Variants in PTP4A3 observed in about 807,000 individuals in gnomAD.
The protein encoded by PTP4A3 is protein tyrosine phosphatase type IVA 3.
In PTP4A3, 9 loss-of-function variants were observed where a neutral mutation model predicts 15.2. The observed-to-expected ratio is 0.59, with a 90% CI of 0.36 to 1.03. PTP4A3 has a LOEUF of 1.03. PTP4A3 is among the 50% of genes least tolerant of loss of function. The probability of loss-of-function intolerance (pLI) is 0.02; values close to 1 mark genes in which losing one functional copy is unlikely to be tolerated. For synonymous variants in PTP4A3, 95 were observed against 102.0 expected (o/e 0.93, Z 0.41); for missense variants, 234 against 252.1 (o/e 0.93, Z 0.49).
intron 1 of PTP4A3, among the ~76,000 whole-genome samples, chr8:141,403,035 C>T (rs1165912678): frequency 6.6e-6 from 1 of 152,160 alleles, no homozygotes; most frequent in Admixed American, 6.5e-5. Flanking sequence ...GTTCTTCCGT[C>T]CAGCCTCCCA....
chr8:141,427,877 C>A (rs1031425620), intron 5 of PTP4A3, 53 bp downstream of exon 5: 19 of 1,483,248 alleles, frequency 1.3e-5, no homozygotes, highest in Non-Finnish European at 1.7e-5. Context: ...AGGGGAGATC[C>A]GGCTGCCCAC....
At chr8:141,427,501 A>G (rs893032856) in intron 4 of PTP4A3, among the ~76,000 whole-genome samples, 1 of 152,170 alleles carries the variant, frequency 6.6e-6, no homozygotes, top group African/African-American at 2.4e-5. Flanking sequence ...TCCGGCTCTT[A>G]GCACTTCACC....
rs1356600034 is a variant in PTP4A3 at position 141,430,918 on chromosome 8, T to G, written c.405-9T>G. 1 of 1,612,576 alleles carries G rather than the reference T, an allele frequency of 6.2e-7. No homozygotes were observed. The highest frequency in any genetic ancestry group is 8.5e-7 in the Non-Finnish European group (1 of 1,179,628). The stretch of plus-strand genomic sequence containing the variant: ...TGGATGATCTCTGTTCCTGTTCCCC[T>G]CTTCCCAGGAAGCGCCGCGGAGCCA... On this transcript the variant is annotated splice_polypyrimidine_tract_variant and intron_variant, in intron 5 of 5. Coordinates refer to ENST00000521578, the MANE Select transcript of PTP4A3 (RefSeq NM_032611.3).
Position 141,408,830 on chromosome 8 carries a change from C to T in PTP4A3, c.-853-12558C>T, listed in dbSNP as rs570798138. Among the ~76,000 whole-genome samples the T allele has an allele frequency of 1.8e-4, 28 of 152,278 alleles. 1 individual carries two copies. The East Asian group carries it at 3.1e-3, about 17-fold the overall frequency. ...CTGGGGAACAGAGGGATGCTGGCACCCACCCAGGGCTCAGGGCAGGGCAGG... is the reference window on the plus strand; with the variant it reads ...CTGGGGAACAGAGGGATGCTGGCACTCACCCAGGGCTCAGGGCAGGGCAGG... On this transcript the variant is annotated intron_variant, in intron 1 of 5. Coordinates refer to ENST00000521578, the MANE Select transcript of PTP4A3 (RefSeq NM_032611.3).
Position 141,425,793 on chromosome 8 carries a change from T to A in PTP4A3, c.198+653T>A, listed in dbSNP as rs1833548382. Among the ~76,000 whole-genome samples, 1 of 152,190 alleles carries A rather than the reference T, an allele frequency of 6.6e-6. No individual in the cohort carries two copies. Among genetic ancestry groups the A allele is most frequent in the African/African-American group, 2.4e-5 (1 of 41,454 alleles). The stretch of plus-strand genomic sequence containing the variant: ...ACTGCTTTTCATCCCAGGACTCTGC[T>A]TTTGGCTGGGGTTGCAGTTTTGTGA... On this transcript the variant is annotated intron_variant, in intron 3 of 5. Transcript: ENST00000521578. The surrounding 1 kb of genome is among the most constrained non-coding windows in gnomAD (Gnocchi z 4.2).
intron 1 of PTP4A3, among the ~76,000 whole-genome samples, chr8:141,400,056 C>T (rs894224756): frequency 5.9e-5 from 9 of 152,226 alleles, no homozygotes; most frequent in African/African-American, 1.9e-4. Flanking sequence ...CACAGGCATG[C>T]GCCACTATGC....
At position 141,425,196 on chromosome 8, in the gene PTP4A3, C is replaced by CGGGGGGGGGGGGGG; in HGVS notation, c.198+62_198+63insGGGGGGGGGGGGGG. 1 of 361,484 alleles carries CGGGGGGGGGGGGGG rather than the reference C, an allele frequency of 2.8e-6. No individual in the cohort carries two copies. Among genetic ancestry groups the CGGGGGGGGGGGGGG allele is most frequent in the Non-Finnish European group, 5.4e-6 (1 of 185,988 alleles). The allele number at this position is 361,484 out of a possible 1,614,324, so 22.4% of individuals were successfully genotyped here. ...CTGCTGCCACCGGGGGAGGGTGGGG[C>CGGGGGGGGGGGGGG]GGGGGGCTCCGGGCCTGCGCAGAGG... On this transcript the variant is annotated intron_variant, in intron 3 of 5. Coordinates refer to ENST00000521578, the MANE Select transcript of PTP4A3 (RefSeq NM_032611.3). This position sits in a 1 kb window ranked among gnomAD's most constrained non-coding sequence, Gnocchi z 4.2.
rs1446679508 is a variant in PTP4A3, at chr8:141,426,947, G to GT, written c.210dup (p.Asp71Ter). 6.2e-7 allele frequency: 1 copy of GT among 1,611,048 alleles called. No homozygotes were observed. Among genetic ancestry groups the GT allele is most frequent in the Non-Finnish European group, 8.5e-7 (1 of 1,179,840 alleles). On this transcript the variant is annotated frameshift_variant, in exon 4 of 6. Coordinates refer to ENST00000521578, the MANE Select transcript of PTP4A3 (RefSeq NM_032611.3). LOFTEE classifies it high-confidence loss of function. ...TCTGCTTCCCTCCGTAGGACTGGCCGTTTGACGATGGGGCGCCCCCGCCCG... is the reference window on the plus strand; with the variant it reads ...TCTGCTTCCCTCCGTAGGACTGGCCGTTTTGACGATGGGGCGCCCCCGCCCG...
chr8:141,409,130 C>T (rs895324161), intron 1 of PTP4A3, among the ~76,000 whole-genome samples: 1 of 152,226 alleles, frequency 6.6e-6, no homozygotes, highest in African/African-American at 2.4e-5. Context: ...GAGGGCCTCT[C>T]AGTCCCCAAG....
intron 3 of PTP4A3, 74 bp from the exon 4 acceptor site, chr8:141,426,854 AGAGCTCCCTTT>A: frequency 6.6e-7 from 1 of 1,525,444 alleles, no homozygotes; most frequent in Non-Finnish European, 8.8e-7. Flanking sequence ...TCTGCCTCTC[AGAGCTCCCTTT>A]CCTCGCCTGA....
chr8:141,419,953 T>A (rs1359103918), intron 1 of PTP4A3, among the ~76,000 whole-genome samples: 2 of 152,152 alleles, frequency 1.3e-5, no homozygotes, highest in African/African-American at 4.8e-5. Flanking sequence ...TCTGAGCCCA[T>A]GAGCACTGGC....
intron 1 of PTP4A3, among the ~76,000 whole-genome samples, chr8:141,399,356 G>A (rs1413354487): frequency 6.6e-6 from 1 of 152,094 alleles, no homozygotes; most frequent in Non-Finnish European, 1.5e-5. Context: ...CCTTCCTCCC[G>A]GGCTTTGCTT....
At chr8:141,429,291 T>A (rs1833735802) in intron 5 of PTP4A3, among the ~76,000 whole-genome samples, 1 of 152,210 alleles carries the variant, frequency 6.6e-6, no homozygotes, top group Admixed American at 6.5e-5. Flanking sequence ...TGCTCCCACT[T>A]CCTTGGCCAG....
At chr8:141,395,201 CAGAG>C (rs929328929) in intron 1 of PTP4A3, among the ~76,000 whole-genome samples, 1 of 149,746 alleles carries the variant, frequency 6.7e-6, no homozygotes, top group Non-Finnish European at 1.5e-5. Context: ...GTTCACCTGG[CAGAG>C]AGTGTGCGCG....
rs886450727 is a variant in PTP4A3 at position 141,406,191 on chromosome 8, G to A, written c.-854+14107G>A. ...GTGACCCTCGGTAGCCCCTCTGGGC[G>A]GTGGCTTTAGGCATCTGGGCTCAGG... On this transcript the variant is annotated intron_variant, in intron 1 of 5. Transcript: ENST00000521578. The surrounding 1 kb of genome is among the most constrained non-coding windows in gnomAD (Gnocchi z 4.5). 2.6e-5 allele frequency among the ~76,000 whole-genome samples: 4 copies of A among 152,128 alleles called. No homozygotes were observed. The highest frequency in any genetic ancestry group is 7.2e-5 in the African/African-American group (3 of 41,420).
rs1265995739 is a variant in PTP4A3 at position 141,431,010 on chromosome 8, C to T, written c.488C>T (p.Pro163Leu). 3.7e-6 allele frequency: 6 copies of T among 1,613,184 alleles called. No individual in the cohort carries two copies. Among genetic ancestry groups the T allele is most frequent in the African/African-American group, 1.3e-5 (1 of 74,938 alleles). The change falls in exon 6 of 6, where the codon CCA (proline) becomes CTA (leucine). Residue 163 changes from proline to leucine, a missense_variant. By Grantham distance (98) the Pro-to-Leu change is moderately conservative (BLOSUM62 -3). Coordinates refer to ENST00000521578, the MANE Select transcript of PTP4A3 (RefSeq NM_032611.3). ...RPKQRLRFKDPHTHKTRCCVM is the reference protein window; with the variant it reads ...RPKQRLRFKDLHTHKTRCCVM ...AAACAGAGGCTGCGGTTCAAAGACC[C>T]ACACACGCACAAGACCCGGTGCTGC...
intron 5 of PTP4A3, 48 bp from the exon 6 acceptor site, chr8:141,430,879 C>T: frequency 6.3e-7 from 1 of 1,591,640 alleles, no homozygotes. Context: ...GGTGAGATGG[C>T]CGAGCCAGGT....
At chr8:141,401,677 C>T (rs900712568) in intron 1 of PTP4A3, among the ~76,000 whole-genome samples, 1 of 152,164 alleles carries the variant, frequency 6.6e-6, no homozygotes, top group African/African-American at 2.4e-5. Context: ...AGGGCCGTCC[C>T]GAGGGGCCCC....
intron 5 of PTP4A3, among the ~76,000 whole-genome samples, chr8:141,428,062 G>A (rs550062121): frequency 2.0e-5 from 3 of 152,190 alleles, no homozygotes; most frequent in South Asian, 2.1e-4. Flanking sequence ...CCGCCACGCC[G>A]TCCTGCCCGC....
Sources: gnomAD v4.1 joint callset for allele counts (sites outside exome capture counted in the v4.1 genomes callset) on GRCh38, gnomAD v4.1.1 for gene constraint, Gnocchi (gnomAD v3.1) non-coding constraint, MANE v1.5 for transcripts, NCBI Gene and HGNC (gene_info 2026-07-23, HGNC 2026-07-21) for gene names.